The following KCNG3 variants were observed in gnomAD, a reference collection of about 807,000 sequenced individuals.
The protein encoded by KCNG3 is voltage-gated potassium channel regulatory subunit KCNG3.
Under a neutral mutation model 29.0 loss-of-function variants are expected in KCNG3, and 15 were observed. The observed-to-expected ratio is 0.52, with a 90% CI of 0.35 to 0.80. KCNG3 has a LOEUF of 0.80. Ranked by LOEUF, KCNG3 falls within the 30% of genes least tolerant of loss-of-function variation. KCNG3 has a pLI of 0.01. For synonymous variants in KCNG3, 322 were observed against 248.9 expected (o/e 1.29, Z -2.76); for missense variants, 512 against 605.7 (o/e 0.85, Z 1.62).
chr2:42,479,340 T>A (rs1400078674), intron 1 of KCNG3, among the ~76,000 whole-genome samples: 2 of 152,148 alleles, frequency 1.3e-5, no homozygotes. Flanking sequence ...CAAGCATGAA[T>A]ATCGTCATAT....
At chr2:42,473,570 G>A (rs754403366) in intron 1 of KCNG3, among the ~76,000 whole-genome samples, 1 of 150,614 alleles carries the variant, frequency 6.6e-6, no homozygotes, top group East Asian at 2.0e-4. Context: ...GGCTGGTCTC[G>A]AACTCCTGAC....
rs768748227 is a variant in KCNG3, at chr2:42,444,584, CAA to C, written c.666-7_666-6del. ...ATGCAGATAGCTTCAATTATCCTGTCAAGAGAACAAAAGAAGAATTGATCATT... is the reference window on the plus strand; with the variant it reads ...ATGCAGATAGCTTCAATTATCCTGTCGAGAACAAAAGAAGAATTGATCATT... On this transcript the variant is annotated splice_region_variant and splice_polypyrimidine_tract_variant and intron_variant, in intron 1 of 1. Coordinates refer to ENST00000306078, the MANE Select transcript of KCNG3 (RefSeq NM_133329.6). The surrounding 1 kb of genome is among the most constrained non-coding windows in gnomAD (Gnocchi z 5.8). The C allele has an allele frequency of 3.8e-6, 6 of 1,587,298 alleles. No individual in the cohort carries two copies. In the South Asian group the frequency reaches 5.7e-5, roughly 15 times the overall value.
At chr2:42,404,540 G>A in the KCNG3 span, among the ~76,000 whole-genome samples, 2 of 152,064 alleles carry the variant, frequency 1.3e-5, no homozygotes, top group African/African-American at 4.8e-5. Context: ...ACCAGCCTGG[G>A]CAACATGGCG....
At chr2:42,491,079 T>A (rs1454160104) in intron 1 of KCNG3, among the ~76,000 whole-genome samples, 1 of 152,172 alleles carries the variant, frequency 6.6e-6, no homozygotes, top group Non-Finnish European at 1.5e-5. Flanking sequence ...AGGAAACAGC[T>A]CTGACTTGAA....
At chr2:42,480,270 G>A (rs1256953932) in intron 1 of KCNG3, among the ~76,000 whole-genome samples, 1 of 152,168 alleles carries the variant, frequency 6.6e-6, no homozygotes, top group East Asian at 1.9e-4. Context: ...GATCCTGGAA[G>A]CCACCAAATA....
chr2:42,418,556 TG>T, the KCNG3 span, among the ~76,000 whole-genome samples: 6 of 152,228 alleles, frequency 3.9e-5, no homozygotes, highest in African/African-American at 1.4e-4. Flanking sequence ...ACAATTTCTA[TG>T]TAATTTTTAA....
chr2:42,484,572 G>A (rs974030137), intron 1 of KCNG3, among the ~76,000 whole-genome samples: 3 of 152,228 alleles, frequency 2.0e-5, no homozygotes, highest in Admixed American at 6.5e-5. Flanking sequence ...ACGCACATGT[G>A]TATATATGTT....
intron 1 of KCNG3, among the ~76,000 whole-genome samples, chr2:42,485,290 C>A (rs866971016): frequency 6.6e-6 from 1 of 152,064 alleles, no homozygotes; most frequent in African/African-American, 2.4e-5. Flanking sequence ...CAAGACTTTG[C>A]CTGCTAAAGA....
At chr2:42,412,040 G>C in the KCNG3 span, among the ~76,000 whole-genome samples, 1 of 152,242 alleles carries the variant, frequency 6.6e-6, no homozygotes, top group Non-Finnish European at 1.5e-5. Flanking sequence ...TCCTCCTGCT[G>C]TGGTGGCTGG....
At chr2:42,416,991 G>C in the KCNG3 span, among the ~76,000 whole-genome samples, 1 of 152,130 alleles carries the variant, frequency 6.6e-6, no homozygotes, top group East Asian at 1.9e-4. Context: ...GCTCATGCCT[G>C]TAATCCCAGC....
In KCNG3 at chr2:42,492,907, C is replaced by T; in HGVS notation, c.595G>A (p.Ala199Thr). 1.3e-6 allele frequency: 2 copies of T among 1,576,774 alleles called. No individual in the cohort carries two copies. Among genetic ancestry groups the T allele is most frequent in the Non-Finnish European group, 8.6e-7 (1 of 1,166,236 alleles). ...TCCAGGCTGCGGTTGTCGGCGGCTG[C>T]GTTGCGCCAGTCGGGCAACGTGCTG... ...CASTLPDWRN[A>T]AADNRSLDDR... The change falls in exon 1 of 2, where the codon GCA becomes ACA. Residue 199 changes from alanine (A) to threonine (T), a missense_variant. Ala to Thr is a moderately conservative substitution (Grantham distance 58). Around this residue, in one of 5 missense-constraint regions of KCNG3, gnomAD observed 228 missense variants for 200.0 expected, o/e 1.14. Coordinates refer to ENST00000306078, the MANE Select transcript of KCNG3 (RefSeq NM_133329.6).
chr2:42,452,247 T>A (rs58678370), intron 1 of KCNG3, among the ~76,000 whole-genome samples: 5,516 of 56,316 alleles, frequency 0.098, 228 homozygotes, highest in African/African-American at 0.18. Context: ...ATATATATTT[T>A]TTTTTTTTTT....
intron 1 of KCNG3, among the ~76,000 whole-genome samples, chr2:42,460,064 A>C (rs554395857): frequency 6.6e-6 from 1 of 152,182 alleles, no homozygotes; most frequent in Admixed American, 6.5e-5. Flanking sequence ...AACTTCTTGC[A>C]AGTATAAAAC....
chr2:42,466,815 C>A (rs887044646), intron 1 of KCNG3, among the ~76,000 whole-genome samples: 3 of 145,160 alleles, frequency 2.1e-5, no homozygotes, highest in African/African-American at 7.7e-5. Context: ...TGCAGTGGTG[C>A]GATCTCGGCT....
intron 1 of KCNG3, among the ~76,000 whole-genome samples, chr2:42,471,167 T>TGTGTGTGG (rs1673277995): frequency 6.7e-6 from 1 of 150,344 alleles, no homozygotes; most frequent in Non-Finnish European, 1.5e-5. Flanking sequence ...TGTGTGTGTG[T>TGTGTGTGG]GTGTGTGTGT....
At chr2:42,406,787 A>C in the KCNG3 span, among the ~76,000 whole-genome samples, 1 of 149,186 alleles carries the variant, frequency 6.7e-6, no homozygotes, top group African/African-American at 2.5e-5. Flanking sequence ...AGATCGCACC[A>C]CTGCACTCCA....
chr2:42,426,823 G>A, the KCNG3 span, among the ~76,000 whole-genome samples: 1 of 152,164 alleles, frequency 6.6e-6, no homozygotes, highest in Non-Finnish European at 1.5e-5. Flanking sequence ...ACCATAAACT[G>A]TTTGCAAGAC....
chr2:42,422,811 C>A, the KCNG3 span, among the ~76,000 whole-genome samples: 1 of 152,128 alleles, frequency 6.6e-6, no homozygotes, highest in Non-Finnish European at 1.5e-5. Context: ...TTCTGCAAAG[C>A]CCCCATAAGC....
At chr2:42,464,095 G>A (rs141509955) in intron 1 of KCNG3, 5 of 210,476 alleles carry the variant, frequency 2.4e-5, no homozygotes, top group East Asian at 1.7e-4. Flanking sequence ...TTTGAAAAGC[G>A]AGGTAGTTCA....
Sources: gnomAD v4.1 joint callset for allele counts (sites outside exome capture counted in the v4.1 genomes callset) on GRCh38, gnomAD v4.1.1 for gene constraint, gnomAD v4.1.1 regional missense constraint, Gnocchi (gnomAD v3.1) non-coding constraint, MANE v1.5 for transcripts, NCBI Gene and HGNC (gene_info 2026-07-23, HGNC 2026-07-21) for gene names.